ELN: variants seen among roughly 807,000 people sequenced by gnomAD.
The protein encoded by ELN is tropoelastin.
A neutral mutation model predicts 105.8 loss-of-function variants in ELN; 65 were observed. That is an observed-to-expected ratio of 0.61 (90% confidence interval 0.50 to 0.75). The LOEUF (loss-of-function observed/expected upper bound fraction) is 0.75, where lower values mean the gene tolerates loss of function less well. ELN is among the 30% of genes least tolerant of loss of function. The pLI is 0.00. For synonymous variants in ELN, 368 were observed against 389.2 expected, an observed-to-expected ratio of 0.95 and a Z score of 0.64; for missense variants, 882 against 969.4, an observed-to-expected ratio of 0.91 and a Z score of 1.20.
At chr7:74,056,846 A>C in intron 21 of ELN, 133 bp downstream of exon 21, 1 of 1,159,784 alleles carries the variant, frequency 8.6e-7, no homozygotes, top group Non-Finnish European at 1.3e-6. Context: ...CCCCTGCCCC[A>C]TCTTCCAAAG....
chr7:74,031,271 T>A (rs782577046), intron 1 of ELN, among the ~76,000 whole-genome samples: 3 of 152,148 alleles, frequency 2.0e-5, no homozygotes, highest in Non-Finnish European at 4.4e-5. Context: ...CAGCCCTGCC[T>A]GAAGTACCTC....
chr7:74,034,242 T>A (rs1789391049), intron 1 of ELN, among the ~76,000 whole-genome samples: 1 of 152,112 alleles, frequency 6.6e-6, no homozygotes, highest in South Asian at 2.1e-4. Flanking sequence ...CAGCTGCACC[T>A]CCTTAATGCT....
At chr7:74,030,352 T>G (rs1413107631) in intron 1 of ELN, among the ~76,000 whole-genome samples, 14 of 151,304 alleles carry the variant, frequency 9.3e-5, no homozygotes, top group Admixed American at 7.9e-4. Flanking sequence ...GTTGCGGGGG[T>G]GGGGGAGCAG....
intron 19 of ELN, among the ~76,000 whole-genome samples, chr7:74,055,985 C>A (rs1020313288): frequency 6.6e-6 from 1 of 151,824 alleles, no homozygotes; most frequent in Non-Finnish European, 1.5e-5. Flanking sequence ...TGGGGTTTCA[C>A]CATATTGGCC....
chr7:74,034,542 T>C (rs1789475649), intron 1 of ELN, among the ~76,000 whole-genome samples: 1 of 152,094 alleles, frequency 6.6e-6, no homozygotes, highest in Non-Finnish European at 1.5e-5. Context: ...ACCCCATCTT[T>C]ACAAAAAAAT....
intron 29 of ELN, among the ~76,000 whole-genome samples, chr7:74,064,653 C>T (rs1554687897): frequency 6.6e-6 from 1 of 152,128 alleles, no homozygotes; most frequent in Non-Finnish European, 1.5e-5. Flanking sequence ...CAAACGGGAG[C>T]TGGGGCTATC....
Position 74,060,157 on chromosome 7 carries a change from G to A in ELN, c.1594G>A (p.Ala532Thr). 1 of 1,614,100 alleles carries A rather than the reference G, an allele frequency of 6.2e-7. No individual in the cohort carries two copies. The highest frequency in any genetic ancestry group is 8.5e-7 in the Non-Finnish European group (1 of 1,180,046). ...GGVAAAAKSA[A>T]KVAAKAQLRA... ...TCCCTCAGCTGCAGCAAAATCCGCT[G>A]CCAAGGTGGCTGCCAAAGCCCAGCT... Residue 532 changes from alanine (A) to threonine (T), a missense_variant, in exon 24 of 33, where the codon GCC becomes ACC. Ala to Thr is a moderately conservative substitution (Grantham distance 58). Transcript: ENST00000252034.
At chr7:74,042,502 C>T (rs1349310119) in intron 5 of ELN, 112 bp from the exon 6 acceptor site, 18 of 854,702 alleles carry the variant, frequency 2.1e-5, no homozygotes, top group Non-Finnish European at 3.0e-5. Context: ...TGGCAGAGAG[C>T]GGAAGAGCCT....
chr7:74,046,699 T>C lies in ELN; in HGVS notation c.575T>C (p.Val192Ala). The C allele has an allele frequency of 6.2e-7, 1 of 1,614,036 alleles. No homozygotes were observed. The highest frequency in any genetic ancestry group is 8.5e-7 in the Non-Finnish European group (1 of 1,179,972). Residue 192 changes from valine (V) to alanine (A), a missense_variant, in exon 12 of 33, where the codon GTT becomes GCT. By Grantham distance (64) the Val-to-Ala change is moderately conservative. Coordinates refer to ENST00000252034, the MANE Select transcript of ELN (RefSeq NM_000501.4). ...VGGAFAGIPG[V>A]GPFGGPQPGV... ...CTTGCTCTCTTTATTCCCACAGGAGTTGGACCCTTTGGGGGACCGCAACCT... is the reference window on the plus strand; with the variant it reads ...CTTGCTCTCTTTATTCCCACAGGAGCTGGACCCTTTGGGGGACCGCAACCT...
At chr7:74,054,673 T>A in intron 18 of ELN, 43 bp from the exon 19 acceptor site, 1 of 1,605,038 alleles carries the variant, frequency 6.2e-7, no homozygotes, top group Non-Finnish European at 8.5e-7. Flanking sequence ...ACAGCTCTCC[T>A]CCAATCTCTC....
rs146576615 is a variant in ELN at position 74,056,694 on chromosome 7, C to T, written c.1338C>T (p.Ala446=). The part of the protein sequence containing the change: ...GISPEAQAAA[A]AKAAKYGVGT... Reference sequence around the variant, plus strand: ...TAGCCGAAGCTCAGGCAGCAGCTGCCGCCAAGGCTGCCAAGTACGGTAAGT... The same window carrying T: ...TAGCCGAAGCTCAGGCAGCAGCTGCTGCCAAGGCTGCCAAGTACGGTAAGT... Residue 446 remains alanine, a synonymous_variant, in exon 21 of 33, where the codon GCC becomes GCT. Coordinates refer to ENST00000252034, the MANE Select transcript of ELN (RefSeq NM_000501.4). The T allele has an allele frequency of 1.2e-3, 1,987 of 1,613,828 alleles. 28 individuals carry two copies. In the South Asian group the frequency reaches 0.019, roughly 16 times the overall value.
At position 74,039,766 on chromosome 7, in the gene ELN, C is replaced by T. The variant is rs531244897; in HGVS notation, c.197-1450C>T. Among the ~76,000 whole-genome samples the T allele has an allele frequency of 3.9e-5, 6 of 152,330 alleles. No individual in the cohort carries two copies. In the East Asian group the frequency reaches 1.2e-3, roughly 29 times the overall value. ...GTTGCACAACTAGGTGCTTTCTGCA[C>T]ACATGCTCACTGGTCCCAGCAAGGC... On this transcript the variant is annotated intron_variant, in intron 4 of 32. Transcript: ENST00000252034.
intron 29 of ELN, among the ~76,000 whole-genome samples, chr7:74,065,115 G>T (rs1201908551): frequency 6.6e-6 from 1 of 152,084 alleles, no homozygotes; most frequent in Non-Finnish European, 1.5e-5. Context: ...AGCTGGGCGT[G>T]GTGTGTGCCT....
intron 25 of ELN, chr7:74,060,722 A>G (rs950820811): frequency 7.9e-7 from 1 of 1,264,582 alleles, no homozygotes; most frequent in Non-Finnish European, 1.1e-6. Context: ...CCTCCTCAGT[A>G]GAGGGGTGGC....
intron 1 of ELN, among the ~76,000 whole-genome samples, chr7:74,034,843 G>A (rs1287654034): frequency 6.6e-6 from 1 of 152,202 alleles, no homozygotes; most frequent in East Asian, 1.9e-4. Context: ...GCTCACACCT[G>A]TAATCCCAGC....
intron 3 of ELN, 70 bp from the exon 4 acceptor site, chr7:74,037,637 T>C: frequency 6.3e-7 from 1 of 1,576,214 alleles, no homozygotes; most frequent in Non-Finnish European, 8.6e-7. Flanking sequence ...TTTGCCCGGG[T>C]TGGGGGTTGG....
intron 3 of ELN, among the ~76,000 whole-genome samples, chr7:74,036,880 G>A (rs1357324515): frequency 3.3e-5 from 5 of 152,158 alleles, no homozygotes; most frequent in Non-Finnish European, 7.4e-5. Context: ...GAGTGCAGTG[G>A]CGTGATCTCA....
rs144223231 is a variant in ELN at position 74,035,430 on chromosome 7, C to T, written c.133+16C>T. 5.0e-5 allele frequency: 81 copies of T among 1,614,104 alleles called. No individual in the cohort carries two copies. The highest frequency in any genetic ancestry group is 4.9e-4 in the Middle Eastern group (3 of 6,062). ...TTTTATCCAGGTAACGTACATGAAA[C>T]TTCCACACACCCAGGTCATGCGGAT... On this transcript the variant is annotated intron_variant, in intron 2 of 32. Transcript: ENST00000252034.
At chr7:74,066,400 C>T (rs1252101118) in intron 31 of ELN, among the ~76,000 whole-genome samples, 3 of 151,926 alleles carry the variant, frequency 2.0e-5, no homozygotes, top group African/African-American at 7.3e-5. Context: ...AACCCTGTCT[C>T]TACTAAAAAA....
Sources: allele counts gnomAD v4.1 joint callset (sites outside exome capture counted in the v4.1 genomes callset), GRCh38; gene constraint gnomAD v4.1.1; transcripts MANE v1.5; gene names NCBI Gene and HGNC (gene_info 2026-07-23, HGNC 2026-07-21).